RNF220: variants seen among roughly 807,000 people sequenced by gnomAD.
The protein encoded by RNF220 is E3 ubiquitin-protein ligase RNF220.
RNF220 carries 7 observed loss-of-function variants against 67.1 expected under a neutral mutation model. That is an observed-to-expected ratio of 0.10 (90% CI 0.06 to 0.20). The LOEUF (loss-of-function observed/expected upper bound fraction) is 0.20. Ranked by LOEUF, RNF220 falls within the 10% of genes least tolerant of loss-of-function variation. The probability of loss-of-function intolerance (pLI) is 1.00; values close to 1 mark genes in which losing one functional copy is unlikely to be tolerated. For missense variants in RNF220, 565 were observed against 740.3 expected (o/e 0.76, Z 2.75); for synonymous variants, 270 against 283.2 (o/e 0.95, Z 0.47).
At chr1:44,586,641 G>C (rs1191743139) in intron 2 of RNF220, among the ~76,000 whole-genome samples, 1 of 152,208 alleles carries the variant, frequency 6.6e-6, no homozygotes, top group African/African-American at 2.4e-5. Context: ...GAAGGAGATA[G>C]AGGAAGCGGC....
At chr1:44,457,899 T>C (rs1653358786) in intron 2 of RNF220, among the ~76,000 whole-genome samples, 1 of 152,190 alleles carries the variant, frequency 6.6e-6, no homozygotes, top group Non-Finnish European at 1.5e-5. Flanking sequence ...TGTGGAGTCC[T>C]TGATTCCTGA....
chr1:44,569,200 A>G (rs1042057410), intron 2 of RNF220, among the ~76,000 whole-genome samples: 1 of 152,138 alleles, frequency 6.6e-6, no homozygotes, highest in Non-Finnish European at 1.5e-5. Flanking sequence ...GTCTGTTTTT[A>G]GACTAGCCTC....
At chr1:44,533,426 G>T (rs1172489655) in intron 2 of RNF220, among the ~76,000 whole-genome samples, 6 of 152,178 alleles carry the variant, frequency 3.9e-5, no homozygotes, top group Non-Finnish European at 7.4e-5. Flanking sequence ...TAGGAGGGCT[G>T]CAGTGAGCCC....
At chr1:44,408,683 A>G (rs1206748472) in intron 1 of RNF220, 1 of 152,220 alleles carries the variant, frequency 6.6e-6, no homozygotes, top group Non-Finnish European at 1.5e-5. Flanking sequence ...GAAACGGTTC[A>G]GAGACCACAA....
At position 44,405,379 on chromosome 1, in the gene RNF220, T is replaced by TGCTGCTGCTGCTGCTGCTGCTGCC. The variant is rs1647238495; in HGVS notation, c.-252_-251insTGCTGCCGCTGCTGCTGCTGCTGC. On this transcript the variant is annotated 5_prime_UTR_variant, in exon 1 of 15. Coordinates refer to ENST00000361799, the MANE Select transcript of RNF220 (RefSeq NM_018150.4). The stretch of plus-strand genomic sequence containing the variant: ...CACAAACCCGGGGCCAGCCGCCTAC[T>TGCTGCTGCTGCTGCTGCTGCTGCC]GCTGCTGCTGCTGCTGCCGCTGCCG... 6 of 543,476 alleles carry TGCTGCTGCTGCTGCTGCTGCTGCC rather than the reference T, an allele frequency of 1.1e-5. No individual in the cohort carries two copies. Among genetic ancestry groups the TGCTGCTGCTGCTGCTGCTGCTGCC allele is most frequent in the East Asian group, 3.7e-5 (1 of 26,856 alleles). The allele number at this position is 543,476 out of a possible 1,614,324, so 33.7% of individuals were successfully genotyped here.
intron 2 of RNF220, among the ~76,000 whole-genome samples, chr1:44,576,973 AGGAGCC>A (rs1462573247): frequency 1.4e-4 from 22 of 152,194 alleles, no homozygotes; most frequent in Non-Finnish European, 3.2e-4. Flanking sequence ...GACAGGCTCC[AGGAGCC>A]GACAGGAGGG....
At chr1:44,611,262 G>A (rs1476402869) in intron 2 of RNF220, among the ~76,000 whole-genome samples, 1 of 152,238 alleles carries the variant, frequency 6.6e-6, no homozygotes, top group Non-Finnish European at 1.5e-5. Context: ...AAGAGGGCCT[G>A]TTGTCCTGAT....
intron 2 of RNF220, among the ~76,000 whole-genome samples, chr1:44,474,387 T>C (rs908294244): frequency 8.4e-5 from 5 of 59,206 alleles, no homozygotes; most frequent in African/African-American, 7.5e-4. Flanking sequence ...AAAATAATAA[T>C]AATAATAATA....
At chr1:44,464,823 A>G (rs1654121541) in intron 2 of RNF220, among the ~76,000 whole-genome samples, 1 of 152,118 alleles carries the variant, frequency 6.6e-6, no homozygotes, top group South Asian at 2.1e-4. Flanking sequence ...GCTATAGCCT[A>G]CTAACTGCTC....
intron 5 of RNF220, chr1:44,631,697 C>A: frequency 5.9e-6 from 1 of 168,898 alleles, no homozygotes; most frequent in Non-Finnish European, 1.2e-5. Flanking sequence ...AGGGCAGCCG[C>A]GAGAAAGGCA....
intron 2 of RNF220, among the ~76,000 whole-genome samples, chr1:44,526,570 T>C (rs1444107272): frequency 3.3e-5 from 5 of 152,120 alleles, no homozygotes; most frequent in African/African-American, 9.7e-5. Context: ...TCAGTACTCA[T>C]CCTTCCACCT....
chr1:44,585,059 GAGGA>G (rs1461132834), intron 2 of RNF220, among the ~76,000 whole-genome samples: 4 of 152,210 alleles, frequency 2.6e-5, no homozygotes, highest in African/African-American at 9.6e-5. Context: ...GGGAAAGGCA[GAGGA>G]GAGAAGCCCA....
chr1:44,451,755 G>A (rs1477738264), intron 2 of RNF220, among the ~76,000 whole-genome samples: 2 of 152,102 alleles, frequency 1.3e-5, no homozygotes, highest in African/African-American at 4.8e-5. Flanking sequence ...CGAGTAGCTG[G>A]GATTACAGGC....
At chr1:44,511,606 C>A (rs1384859334) in intron 2 of RNF220, among the ~76,000 whole-genome samples, 1 of 152,174 alleles carries the variant, frequency 6.6e-6, no homozygotes, top group Non-Finnish European at 1.5e-5. Context: ...GGAGAATACT[C>A]AGAAAATGTA....
At chr1:44,596,680 T>G (rs187356451) in intron 2 of RNF220, among the ~76,000 whole-genome samples, 1 of 152,262 alleles carries the variant, frequency 6.6e-6, no homozygotes. Context: ...GCCGACCCAC[T>G]TCCAAGGCAA....
intron 2 of RNF220, among the ~76,000 whole-genome samples, chr1:44,534,694 G>T (rs1355987257): frequency 6.6e-6 from 1 of 152,062 alleles, no homozygotes; most frequent in Non-Finnish European, 1.5e-5. Context: ...CATCATCATG[G>T]TTGCCATCAT....
intron 2 of RNF220, among the ~76,000 whole-genome samples, chr1:44,485,304 A>G (rs1370582056): frequency 6.6e-6 from 1 of 152,212 alleles, no homozygotes; most frequent in Non-Finnish European, 1.5e-5. Flanking sequence ...GCGCCCTGAA[A>G]GGAAACAAAC....
intron 2 of RNF220, among the ~76,000 whole-genome samples, chr1:44,516,853 T>C (rs76845525): frequency 0.03 from 4,607 of 152,174 alleles, 209 homozygotes; most frequent in South Asian, 0.12. Flanking sequence ...AGACCTCTCT[T>C]TGAAGCTCCA....
At chr1:44,608,300 C>T (rs961198700) in intron 2 of RNF220, among the ~76,000 whole-genome samples, 1 of 152,210 alleles carries the variant, frequency 6.6e-6, no homozygotes, top group East Asian at 1.9e-4. Context: ...GTCCTAAGCT[C>T]CCTGAGGGCA....
Sources: gnomAD v4.1 joint callset for allele counts (sites outside exome capture counted in the v4.1 genomes callset) on GRCh38, gnomAD v4.1.1 for gene constraint, MANE v1.5 for transcripts, NCBI Gene and HGNC (gene_info 2026-07-23, HGNC 2026-07-21) for gene names.